Variants in IQCK observed in about 807,000 individuals in gnomAD.
IQCK encodes IQ motif containing K.
A neutral mutation model predicts 28.1 loss-of-function variants in IQCK; 29 were observed. The observed-to-expected ratio is 1.03, with a 90% CI of 0.77 to 1.41. IQCK has a LOEUF of 1.41. Ranked by LOEUF, IQCK falls within the 40% of genes most tolerant of loss-of-function variation. The pLI, the probability that IQCK is intolerant of heterozygous loss-of-function variation, is 0.00. For missense variants in IQCK, 359 were observed against 314.7 expected (o/e 1.14, Z -1.07); for synonymous variants, 113 against 115.1 (o/e 0.98, Z 0.12).
chr16:19,816,433 C>T (rs775106526), intron 7 of IQCK, among the ~76,000 whole-genome samples: 5 of 152,142 alleles, frequency 3.3e-5, no homozygotes, highest in Non-Finnish European at 5.9e-5. Context: ...AGGTGCGTGC[C>T]ACCACACCCA....
chr16:19,747,957 C>T (rs1159640718), intron 4 of IQCK, among the ~76,000 whole-genome samples: 7 of 151,984 alleles, frequency 4.6e-5, no homozygotes, highest in East Asian at 1.9e-4. Flanking sequence ...TAATATGGAC[C>T]GGGTCACAGA....
chr16:19,725,264 C>A (rs535025014), intron 1 of IQCK, among the ~76,000 whole-genome samples: 1 of 152,010 alleles, frequency 6.6e-6, no homozygotes, highest in African/African-American at 2.4e-5. Flanking sequence ...GTGGCGTGAT[C>A]GTGCTTACTA....
intron 9 of IQCK, among the ~76,000 whole-genome samples, chr16:19,846,576 C>T (rs2056417580): frequency 6.6e-6 from 1 of 152,138 alleles, no homozygotes; most frequent in African/African-American, 2.4e-5. Context: ...GTTTGGAAGT[C>T]AACAACAGAA....
chr16:19,735,234 A>G (rs1977973300), intron 3 of IQCK, 119 bp from the exon 4 acceptor site: 3 of 708,224 alleles, frequency 4.2e-6, no homozygotes, highest in African/African-American at 1.8e-5. Context: ...AAAATATAAC[A>G]TCTAAGATCA....
chr16:19,778,300 G>T (rs956021297), intron 6 of IQCK, among the ~76,000 whole-genome samples: 2 of 152,128 alleles, frequency 1.3e-5, no homozygotes, highest in African/African-American at 2.4e-5. Flanking sequence ...ATTCTTGTGG[G>T]ACTAAGCCCT....
chr16:19,764,134 G>T, intron 6 of IQCK, 22 bp downstream of exon 6: 1 of 1,559,538 alleles, frequency 6.4e-7, no homozygotes, highest in South Asian at 1.1e-5. Flanking sequence ...ACAAGGCTTT[G>T]AATAATTTAT....
At chr16:19,827,256 G>A (rs2056161839), downstream of IQCK, 1 of 675,332 alleles carries the variant, frequency 1.5e-6, no homozygotes, top group East Asian at 2.7e-5. Flanking sequence ...AACTCAGCTT[G>A]TGCATGGGGG....
chr16:19,810,305 G>C (rs1224108483), intron 7 of IQCK, among the ~76,000 whole-genome samples: 1 of 150,916 alleles, frequency 6.6e-6, no homozygotes, highest in Non-Finnish European at 1.5e-5. Context: ...GACCATCCTG[G>C]CTAACACGGT....
rs983011069 is a variant in IQCK, at chr16:19,741,842, C to T, written c.474+6392C>T. 3.3e-5 allele frequency among the ~76,000 whole-genome samples: 5 copies of T among 152,044 alleles called. No homozygotes were observed. In the South Asian group the frequency reaches 1.0e-3, roughly 32 times the overall value. ...TCTCTACTAAAAATACCAAAATTAG[C>T]CAGGTGTGGTTGCAGGCACCTGTAA... On this transcript the variant is annotated intron_variant, in intron 4 of 7. Transcript: ENST00000564186.
At chr16:19,821,650 C>T (rs1433973481) in intron 7 of IQCK, among the ~76,000 whole-genome samples, 3 of 151,882 alleles carry the variant, frequency 2.0e-5, no homozygotes, top group East Asian at 3.9e-4. Flanking sequence ...GGCGAGATCA[C>T]GCCACTGCAC....
intron 7 of IQCK, among the ~76,000 whole-genome samples, chr16:19,824,516 G>T (rs1375355147): frequency 6.6e-6 from 1 of 152,198 alleles, no homozygotes; most frequent in Non-Finnish European, 1.5e-5. Context: ...GGGTACCTCC[G>T]AAATAAGGGG....
intron 6 of IQCK, among the ~76,000 whole-genome samples, chr16:19,770,919 G>C (rs1219302376): frequency 1.3e-5 from 2 of 152,100 alleles, no homozygotes; most frequent in Non-Finnish European, 2.9e-5. Flanking sequence ...CATCTCTCCT[G>C]GCCTCTCTGA....
exon 10 of IQCK, chr16:19,856,618 G>A: frequency 8.1e-7 from 1 of 1,233,310 alleles, no homozygotes; most frequent in Non-Finnish European, 1.2e-6. Flanking sequence ...TCCAAATGAT[G>A]CTCTCTCTCT....
chr16:19,806,758 G>A (rs1389211961), intron 7 of IQCK, among the ~76,000 whole-genome samples: 2 of 146,270 alleles, frequency 1.4e-5, no homozygotes, highest in Non-Finnish European at 3.0e-5. Context: ...GTGAATGGGA[G>A]AGGAGATGAG....
At chr16:19,844,939 G>C (rs1158886215) in intron 9 of IQCK, among the ~76,000 whole-genome samples, 2 of 152,116 alleles carry the variant, frequency 1.3e-5, no homozygotes, top group African/African-American at 4.8e-5. Flanking sequence ...CTCCCTAGTA[G>C]CTGGGACTAC....
chr16:19,852,154 C>T (rs967107205), intron 9 of IQCK, among the ~76,000 whole-genome samples: 2 of 152,146 alleles, frequency 1.3e-5, no homozygotes, highest in Admixed American at 6.6e-5. Context: ...CTCAAAACAG[C>T]TAAATCATTC....
chr16:19,754,067 G>C (rs2055020921), intron 4 of IQCK, among the ~76,000 whole-genome samples: 1 of 152,198 alleles, frequency 6.6e-6, no homozygotes, highest in South Asian at 2.1e-4. Context: ...TCTAGGTGGG[G>C]TGAGGTGGGA....
chr16:19,754,651 T>C (rs1474548006), intron 4 of IQCK, among the ~76,000 whole-genome samples: 1 of 152,206 alleles, frequency 6.6e-6, no homozygotes, highest in Non-Finnish European at 1.5e-5. Flanking sequence ...TTTTTTTCTT[T>C]TTACATTCCT....
intron 4 of IQCK, among the ~76,000 whole-genome samples, chr16:19,747,125 A>T (rs1324573047): frequency 6.6e-6 from 1 of 152,206 alleles, no homozygotes; most frequent in Non-Finnish European, 1.5e-5. Context: ...CCAGCAAAAA[A>T]TCATAACCAT....
Sources: gnomAD v4.1 joint callset for allele counts (sites outside exome capture counted in the v4.1 genomes callset) on GRCh38, gnomAD v4.1.1 for gene constraint, MANE v1.5 for transcripts, NCBI Gene and HGNC (gene_info 2026-07-23, HGNC 2026-07-21) for gene names.